GPC5: variants seen among roughly 807,000 people sequenced by gnomAD.
GPC5 encodes the protein glypican-5.
Under a neutral mutation model 53.9 loss-of-function variants are expected in GPC5, and 47 were observed. That is an observed-to-expected ratio of 0.87 (90% CI 0.69 to 1.11). GPC5 has a LOEUF of 1.11. GPC5 is among the 50% of genes most tolerant of loss of function. GPC5 has a pLI of 0.00. For synonymous variants in GPC5, 286 were observed against 263.3 expected, an observed-to-expected ratio of 1.09 and a Z score of -0.84; for missense variants, 748 against 713.1, an observed-to-expected ratio of 1.05 and a Z score of -0.56.
intron 7 of GPC5, among the ~76,000 whole-genome samples, chr13:92,488,360 G>A (rs9584032): frequency 0.59 from 89,628 of 151,958 alleles, 27,051 homozygotes; most frequent in East Asian, 0.74. Context: ...CCTATCCAAT[G>A]CTTACTTCAG....
At position 91,752,965 on chromosome 13, in the gene GPC5, T is replaced by C. The variant is rs541603603; in HGVS notation, c.1155-3330T>C. Among the ~76,000 whole-genome samples, 4 of 152,336 alleles carry C rather than the reference T, an allele frequency of 2.6e-5. No individual in the cohort carries two copies. In the South Asian group the frequency reaches 8.3e-4, roughly 32 times the overall value. ...AATTTGAAAGTAGCATTCTGTTTGA[T>C]TTCTCTATCTAGACATTCCAAAGAA... On this transcript the variant is annotated intron_variant, in intron 4 of 7. Transcript: ENST00000377067.
At position 92,231,931 on chromosome 13, in the gene GPC5, A is replaced by C. The variant is rs376240314; in HGVS notation, c.1561+86942A>C. On this transcript the variant is annotated intron_variant, in intron 7 of 7. Coordinates refer to ENST00000377067, the MANE Select transcript of GPC5 (RefSeq NM_004466.6). Reference sequence around the variant, plus strand: ...CAGTGAGCCGAGATCGCGCCACTGCATTCCAGTCTGGGCAGAAGAGCGAAA... The same window carrying C: ...CAGTGAGCCGAGATCGCGCCACTGCCTTCCAGTCTGGGCAGAAGAGCGAAA... Among the ~76,000 whole-genome samples the C allele has an allele frequency of 2.0e-5, 3 of 152,204 alleles. No individual in the cohort carries two copies. In the East Asian group the frequency reaches 5.8e-4, roughly 29 times the overall value.
intron 7 of GPC5, among the ~76,000 whole-genome samples, chr13:92,362,219 G>T (rs1054527650): frequency 1.5e-4 from 22 of 151,592 alleles, no homozygotes; most frequent in Admixed American, 1.1e-3. Context: ...CATCCATTTT[G>T]CAGTGTTTTC....
chr13:92,380,678 G>A (rs571343974), intron 7 of GPC5, among the ~76,000 whole-genome samples: 120 of 145,920 alleles, frequency 8.2e-4, no homozygotes, highest in African/African-American at 2.8e-3. Context: ...GCAAACTATC[G>A]CAAGAACAAA....
intron 2 of GPC5, among the ~76,000 whole-genome samples, chr13:91,596,975 G>A (rs755581473): frequency 5.3e-5 from 8 of 152,058 alleles, no homozygotes; most frequent in Non-Finnish European, 1.2e-4. Flanking sequence ...AAACTCTGCC[G>A]CTTTGATTTC....
chr13:91,686,613 G>A (rs895414684), intron 2 of GPC5, among the ~76,000 whole-genome samples: 1 of 151,660 alleles, frequency 6.6e-6, no homozygotes, highest in Non-Finnish European at 1.5e-5. Flanking sequence ...TGGCTATAAT[G>A]GTCTTCTGAA....
intron 5 of GPC5, among the ~76,000 whole-genome samples, chr13:91,829,975 A>G (rs2038630370): frequency 6.6e-6 from 1 of 152,088 alleles, no homozygotes; most frequent in Admixed American, 6.6e-5. Flanking sequence ...TTCAGGCACC[A>G]TTGTCATTGA....
At chr13:92,134,927 A>T (rs574739599) in intron 6 of GPC5, among the ~76,000 whole-genome samples, 126 of 152,246 alleles carry the variant, frequency 8.3e-4, no homozygotes, top group African/African-American at 2.9e-3. Context: ...GGGTAGTATA[A>T]TTCTTATGCA....
chr13:91,724,982 A>G (rs1193557911), intron 3 of GPC5: 3 of 152,276 alleles, frequency 2.0e-5, no homozygotes, highest in Admixed American at 6.5e-5. Context: ...AAATCTGAAC[A>G]TTTGAATAAG....
chr13:92,787,539 C>T (rs1285501791), intron 7 of GPC5, among the ~76,000 whole-genome samples: 1 of 150,876 alleles, frequency 6.6e-6, no homozygotes, highest in East Asian at 2.0e-4. Flanking sequence ...AAGTAGAATA[C>T]AGGTAAGATG....
At chr13:92,229,761 T>C (rs1204711502) in intron 7 of GPC5, among the ~76,000 whole-genome samples, 4 of 152,078 alleles carry the variant, frequency 2.6e-5, no homozygotes, top group African/African-American at 9.7e-5. Flanking sequence ...GAAAAGTTAA[T>C]ATATAATAAA....
chr13:92,030,032 G>A (rs1320047119), intron 6 of GPC5, among the ~76,000 whole-genome samples: 1 of 152,150 alleles, frequency 6.6e-6, no homozygotes, highest in African/African-American at 2.4e-5. Context: ...AATACCTCCT[G>A]AGAATTTTCA....
intron 7 of GPC5, among the ~76,000 whole-genome samples, chr13:92,158,399 A>G (rs965315834): frequency 1.3e-5 from 2 of 152,188 alleles, no homozygotes; most frequent in African/African-American, 4.8e-5. Flanking sequence ...TGCCCAAATA[A>G]TACAAGAAGT....
intron 6 of GPC5, among the ~76,000 whole-genome samples, chr13:92,051,005 CA>C (rs1236835498): frequency 6.6e-6 from 1 of 151,922 alleles, no homozygotes; most frequent in Non-Finnish European, 1.5e-5. Flanking sequence ...TTGTGGAAGC[CA>C]TTTTGGAAGA....
At chr13:92,107,099 T>C (rs1317308508) in intron 6 of GPC5, among the ~76,000 whole-genome samples, 3 of 152,106 alleles carry the variant, frequency 2.0e-5, no homozygotes, top group Non-Finnish European at 2.9e-5. Context: ...TTTCTCACTT[T>C]TATAAGTTTT....
intron 7 of GPC5, among the ~76,000 whole-genome samples, chr13:92,311,062 G>T (rs1036889682): frequency 6.6e-6 from 1 of 151,998 alleles, no homozygotes; most frequent in African/African-American, 2.4e-5. Context: ...AAAATTGAAA[G>T]ATTCACACAG....
Position 92,269,331 on chromosome 13 carries a change from G to T in GPC5, c.1561+124342G>T, listed in dbSNP as rs529785056. Among the ~76,000 whole-genome samples the T allele has an allele frequency of 2.6e-5, 4 of 152,030 alleles. No individual in the cohort carries two copies. The South Asian group carries it at 8.3e-4, about 32-fold the overall frequency. ...GCTATTAGGTTGTAATTTTCTATTT[G>T]TCGATTATGTTCCTATATCAAACAA... is the stretch of plus-strand genomic sequence containing the variant. On this transcript the variant is annotated intron_variant, in intron 7 of 7. Transcript: ENST00000377067.
At chr13:91,735,777 T>C (rs951143545) in intron 4 of GPC5, among the ~76,000 whole-genome samples, 2 of 151,266 alleles carry the variant, frequency 1.3e-5, no homozygotes. Flanking sequence ...AAAACTCACA[T>C]ACCCTATGCA....
At chr13:91,648,514 C>T (rs550540735) in intron 2 of GPC5, among the ~76,000 whole-genome samples, 1 of 151,944 alleles carries the variant, frequency 6.6e-6, no homozygotes, top group Middle Eastern at 3.4e-3. Context: ...ATCCATAAGG[C>T]CTTTTAAGTT....
Sources: gnomAD v4.1 joint callset for allele counts (sites outside exome capture counted in the v4.1 genomes callset) on GRCh38, gnomAD v4.1.1 for gene constraint, MANE v1.5 for transcripts, NCBI Gene and HGNC (gene_info 2026-07-23, HGNC 2026-07-21) for gene names.